The following MICAL2 variants were observed in gnomAD, a reference collection of about 807,000 sequenced individuals.
MICAL2 encodes the protein microtubule associated monooxygenase, calponin and LIM domain containing 2, also known as [F-actin]-monooxygenase MICAL2.
Under a neutral mutation model 127.3 loss-of-function variants are expected in MICAL2, and 77 were observed. The observed-to-expected ratio is 0.60, with a 90% confidence interval of 0.50 to 0.73. The LOEUF (loss-of-function observed/expected upper bound fraction) is 0.73, where lower values mean the gene tolerates loss of function less well. MICAL2 is among the 30% of genes least tolerant of loss of function. MICAL2 has a pLI of 0.00. For missense variants in MICAL2, 1,351 were observed against 1,434.4 expected, an observed-to-expected ratio of 0.94 and a Z score of 0.94; for synonymous variants, 570 against 551.1, an observed-to-expected ratio of 1.03 and a Z score of -0.48.
downstream of MICAL2, among the ~76,000 whole-genome samples, chr11:12,288,951 A>G (rs1286398157): frequency 3.3e-5 from 5 of 152,340 alleles, no homozygotes; most frequent in Middle Eastern, 6.8e-3. Context: ...CAGGGCTGGC[A>G]TTGCCATTGG....
chr11:12,268,855 C>G (rs1177049757), intron 24 of MICAL2, among the ~76,000 whole-genome samples: 2 of 151,474 alleles, frequency 1.3e-5, no homozygotes, highest in Non-Finnish European at 2.9e-5. Context: ...AAAAATTAGC[C>G]AGGCGTAGTG....
rs1422314655 is a variant in MICAL2 at position 12,299,052 on chromosome 11, G to T, written c.5212+4195G>T. ...TATATTTTCCTGGCTTGCTTAGCATGGAGAGCTACATTCATTTATATTCAT... is the reference window on the plus strand; with the variant it reads ...TATATTTTCCTGGCTTGCTTAGCATTGAGAGCTACATTCATTTATATTCAT... On this transcript the variant is annotated intron_variant, in intron 29 of 34. Transcript: ENST00000646065. Among the ~76,000 whole-genome samples the T allele has an allele frequency of 2.0e-5, 3 of 152,134 alleles. No individual in the cohort carries two copies. The East Asian group carries it at 5.8e-4, about 29-fold the overall frequency.
intron 29 of MICAL2, among the ~76,000 whole-genome samples, chr11:12,301,034 C>T (rs1864040478): frequency 6.6e-6 from 1 of 152,134 alleles, no homozygotes; most frequent in Admixed American, 6.5e-5. Flanking sequence ...CTGGGGAGGC[C>T]TCAGAATCAT....
chr11:12,258,403 T>C (rs1321502529), intron 24 of MICAL2, 65 bp from the exon 25 acceptor site: 22 of 1,292,496 alleles, frequency 1.7e-5, no homozygotes, highest in African/African-American at 5.8e-5. Context: ...GCACTTGGCT[T>C]TTGTCTACTT....
intron 2 of MICAL2, among the ~76,000 whole-genome samples, chr11:12,149,807 A>G (rs1016901397): frequency 1.3e-5 from 2 of 152,210 alleles, no homozygotes; most frequent in African/African-American, 4.8e-5. Flanking sequence ...GAAATGCAGC[A>G]GGGAGCTGTG....
chr11:12,111,851 C>T (rs1849632951), intron 1 of MICAL2, among the ~76,000 whole-genome samples: 1 of 152,216 alleles, frequency 6.6e-6, no homozygotes, highest in Admixed American at 6.5e-5. Context: ...CCTGCTCCCC[C>T]TCCCCAGTGG....
intron 29 of MICAL2, among the ~76,000 whole-genome samples, chr11:12,301,949 C>A (rs183009596): frequency 2.0e-5 from 3 of 152,274 alleles, no homozygotes; most frequent in Admixed American, 6.5e-5. Context: ...GTTGTAAGCT[C>A]TTTTTAATAA....
chr11:12,339,969 A>C (rs1479702632), intron 32 of MICAL2, among the ~76,000 whole-genome samples: 1 of 152,094 alleles, frequency 6.6e-6, no homozygotes, highest in Non-Finnish European at 1.5e-5. Context: ...ACTCTCTTCA[A>C]AGCTCAGTTG....
intron 2 of MICAL2, among the ~76,000 whole-genome samples, chr11:12,156,515 C>T (rs567188767): frequency 2.0e-5 from 3 of 152,120 alleles, no homozygotes; most frequent in Admixed American, 1.3e-4. Context: ...TGGAAGTGAC[C>T]GAGGCCAGGC....
At chr11:12,294,546 C>T (rs1449114980), downstream of MICAL2, 2 of 1,614,212 alleles carry the variant, frequency 1.2e-6, no homozygotes, top group East Asian at 2.2e-5. Context: ...GATGTCCCCA[C>T]ACTCCTCGAG....
At chr11:12,121,260 C>A (rs1359173615) in intron 1 of MICAL2, among the ~76,000 whole-genome samples, 3 of 152,134 alleles carry the variant, frequency 2.0e-5, no homozygotes, top group Non-Finnish European at 4.4e-5. Context: ...GACTCAAGGT[C>A]AATTTGAGGG....
At chr11:12,217,638 T>C (rs1856348592) in intron 8 of MICAL2, among the ~76,000 whole-genome samples, 1 of 152,044 alleles carries the variant, frequency 6.6e-6, no homozygotes, top group Admixed American at 6.6e-5. Context: ...CAAAGCTTGA[T>C]GGGTTTTGTG....
intron 1 of MICAL2, among the ~76,000 whole-genome samples, chr11:12,130,443 G>A (rs1055014452): frequency 6.6e-6 from 1 of 152,190 alleles, no homozygotes; most frequent in Non-Finnish European, 1.5e-5. Flanking sequence ...AGGCAAACAG[G>A]CAAATGATCC....
At chr11:12,303,459 C>T (rs562552680) in intron 29 of MICAL2, 1 of 152,108 alleles carries the variant, frequency 6.6e-6, no homozygotes, top group East Asian at 1.9e-4. Context: ...TTCTATTAAA[C>T]ACAACTTTAT....
chr11:12,335,706 A>G (rs1381253500), intron 32 of MICAL2, among the ~76,000 whole-genome samples: 7 of 152,056 alleles, frequency 4.6e-5, no homozygotes, highest in Non-Finnish European at 7.4e-5. Context: ...TTTATTAAAT[A>G]GGGAATCCTT....
chr11:12,159,432 C>T (rs1279160071), intron 2 of MICAL2, among the ~76,000 whole-genome samples: 1 of 152,286 alleles, frequency 6.6e-6, no homozygotes, highest in East Asian at 1.9e-4. Context: ...TGTGCGTTAC[C>T]ACATCTACTG....
In MICAL2 at chr11:12,208,784, T is replaced by A. The variant is rs189864156; in HGVS notation, c.589+645T>A. ...CTTATTATTAAAAGTATCTACCGCC[T>A]GGGAAGGGCTTTGAGTTTGGGACCA... is the stretch of plus-strand genomic sequence containing the variant. On this transcript the variant is annotated intron_variant, in intron 5 of 27. Coordinates refer to ENST00000683283, the MANE Select transcript of MICAL2 (RefSeq NM_001282663.2). Among the ~76,000 whole-genome samples the A allele has an allele frequency of 4.6e-5, 7 of 152,328 alleles. No individual in the cohort carries two copies. In the East Asian group the frequency reaches 9.7e-4, roughly 21 times the overall value.
chr11:12,305,737 T>C (rs1052827712), intron 29 of MICAL2, among the ~76,000 whole-genome samples: 1 of 152,198 alleles, frequency 6.6e-6, no homozygotes, highest in Non-Finnish European at 1.5e-5. Context: ...GGTACTACTG[T>C]AGCGAGTCTT....
chr11:12,320,262 G>T (rs1243268770), intron 30 of MICAL2, among the ~76,000 whole-genome samples: 1 of 152,180 alleles, frequency 6.6e-6, no homozygotes, highest in African/African-American at 2.4e-5. Flanking sequence ...TCTAGACATG[G>T]ATACTCCAAA....
Sources: allele counts gnomAD v4.1 joint callset (sites outside exome capture counted in the v4.1 genomes callset), GRCh38; gene constraint gnomAD v4.1.1; transcripts MANE v1.5; gene names NCBI Gene and HGNC (gene_info 2026-07-23, HGNC 2026-07-21).